IKZF3: variants seen among roughly 807,000 people sequenced by gnomAD.
IKZF3 encodes zinc finger protein Aiolos.
IKZF3 carries 10 observed loss-of-function variants against 49.0 expected under a neutral mutation model. The observed-to-expected ratio is 0.20, with a 90% CI of 0.13 to 0.35. The LOEUF (loss-of-function observed/expected upper bound fraction) is 0.35. Ranked by LOEUF, IKZF3 falls within the 10% of genes least tolerant of loss-of-function variation. The pLI, the probability that IKZF3 is intolerant of heterozygous loss-of-function variation, is 1.00. For synonymous variants in IKZF3, 209 were observed against 228.2 expected, an observed-to-expected ratio of 0.92 and a Z score of 0.76; for missense variants, 498 against 664.8, an observed-to-expected ratio of 0.75 and a Z score of 2.76.
intron 1 of IKZF3, chr17:39,834,930 A>G: frequency 2.8e-6 from 1 of 358,726 alleles, no homozygotes; most frequent in South Asian, 2.3e-5. Flanking sequence ...AAGCCATGGG[A>G]GGGGGTAGGC....
chr17:39,838,559 AT>A (rs1223986456), intron 1 of IKZF3, among the ~76,000 whole-genome samples: 4 of 152,156 alleles, frequency 2.6e-5, no homozygotes, highest in Non-Finnish European at 5.9e-5. Context: ...GCTTTCAAAT[AT>A]TTTTTCTGTT....
chr17:39,793,222 C>A (rs2061074163), intron 3 of IKZF3, among the ~76,000 whole-genome samples: 1 of 152,106 alleles, frequency 6.6e-6, no homozygotes, highest in South Asian at 2.1e-4. Context: ...TCAAAGTGGC[C>A]ATGAAACAAA....
Position 39,766,447 on chromosome 17 carries a change from C to T in IKZF3, c.873G>A (p.Met291Ile). Residue 291 changes from methionine to isoleucine, a missense_variant, in exon 8 of 8, where the codon ATG (methionine) becomes ATA (isoleucine). By Grantham distance (10) the Met-to-Ile change is conservative. This residue lies in a region of IKZF3 where 317 missense variants were observed against 397.3 expected (regional missense o/e 0.80). Coordinates refer to ENST00000346872, the MANE Select transcript of IKZF3 (RefSeq NM_012481.5). ...CFDVNYNSSY[M>I]YEKESELIQT... ...GTATGAGCTCACTCTCTTTCTCATACATGTAACTTGAATTATAGTTGACAT... is the reference window on the plus strand; with the variant it reads ...GTATGAGCTCACTCTCTTTCTCATATATGTAACTTGAATTATAGTTGACAT... The T allele has an allele frequency of 1.2e-6, 2 of 1,613,882 alleles. No individual in the cohort carries two copies. The highest frequency in any genetic ancestry group is 1.7e-6 in the Non-Finnish European group (2 of 1,179,986).
rs921710488 is a variant in IKZF3 at position 39,766,222 on chromosome 17, A to G, written c.1098T>C (p.Leu366=). 6.2e-7 allele frequency: 1 copy of G among 1,614,012 alleles called. No homozygotes were observed. The highest frequency in any genetic ancestry group is 8.5e-7 in the Non-Finnish European group (1 of 1,180,000). ...TCTCAGAAGGCACGCTCTTCTCTGG[A>G]AGGTGGATGCTTTTCTTTTCCAGCT... ...PQELEKKSIH[L]PEKSVPSERG... is the part of the protein sequence containing the mutation. The change falls in exon 8 of 8, where the codon CTT becomes CTC. Residue 366 remains leucine (L), a synonymous_variant. Transcript: ENST00000346872.
intron 3 of IKZF3, among the ~76,000 whole-genome samples, chr17:39,795,471 C>T (rs1438932003): frequency 4.6e-5 from 7 of 152,058 alleles, no homozygotes; most frequent in African/African-American, 1.4e-4. Flanking sequence ...TGTAGTGGCA[C>T]GATCAGCTCA....
intron 1 of IKZF3, among the ~76,000 whole-genome samples, chr17:39,836,987 AG>A (rs2062305121): frequency 1.3e-5 from 2 of 152,014 alleles, no homozygotes; most frequent in Admixed American, 6.6e-5. Context: ...GCTGGAGTGC[AG>A]TGGCACAATC....
At chr17:39,857,233 A>C (rs2063086765) in intron 1 of IKZF3, among the ~76,000 whole-genome samples, 1 of 152,236 alleles carries the variant, frequency 6.6e-6, no homozygotes, top group African/African-American at 2.4e-5. Context: ...GTTATGATGT[A>C]ATTCCATATC....
At chr17:39,850,855 GCTCTATAGTATATATACATATATAATATA>G (rs1568065203) in intron 1 of IKZF3, among the ~76,000 whole-genome samples, 19 of 80,642 alleles carry the variant, frequency 2.4e-4, no homozygotes, top group South Asian at 7.3e-4. Context: ...TATATAATAT[GCTCTATAGTATATATACATATATAATATA>G]CTCTATAGTA....
chr17:39,856,079 A>G (rs1438323907), intron 1 of IKZF3, among the ~76,000 whole-genome samples: 2 of 147,794 alleles, frequency 1.4e-5, no homozygotes, highest in South Asian at 4.2e-4. Flanking sequence ...TATATTGTAT[A>G]TGTACAATAT....
intron 3 of IKZF3, among the ~76,000 whole-genome samples, chr17:39,798,642 A>T (rs1379628522): frequency 6.6e-6 from 1 of 151,446 alleles, no homozygotes; most frequent in Non-Finnish European, 1.5e-5. Context: ...AGTAGCTGGG[A>T]CTACAGGCGC....
chr17:39,831,719 T>A (rs1325508477), intron 2 of IKZF3, among the ~76,000 whole-genome samples: 1 of 152,162 alleles, frequency 6.6e-6, no homozygotes, highest in Non-Finnish European at 1.5e-5. Context: ...AGTCTAAATA[T>A]TTACTATCTG....
chr17:39,780,517 C>A (rs1337896881), intron 6 of IKZF3, among the ~76,000 whole-genome samples: 2 of 152,034 alleles, frequency 1.3e-5, no homozygotes, highest in South Asian at 4.1e-4. Context: ...TCTAAAGCCA[C>A]CATGCCTGGC....
chr17:39,835,267 C>A, intron 1 of IKZF3: 1 of 552,128 alleles, frequency 1.8e-6, no homozygotes, highest in Non-Finnish European at 3.5e-6. Flanking sequence ...ATGTCCAGGG[C>A]CAGCTTGATG....
intron 7 of IKZF3, among the ~76,000 whole-genome samples, chr17:39,772,743 C>T (rs576841828): frequency 1.3e-5 from 2 of 152,254 alleles, no homozygotes; most frequent in African/African-American, 4.8e-5. Flanking sequence ...ATGGAGTCAC[C>T]AGGGAAGACT....
chr17:39,791,703 G>A, intron 4 of IKZF3, 120 bp from the exon 5 acceptor site: 1 of 1,006,058 alleles, frequency 9.9e-7, no homozygotes, highest in Non-Finnish European at 1.5e-6. Context: ...ATTGGGATCA[G>A]TTGGGAGCTG....
chr17:39,808,894 G>A (rs1048899882), intron 3 of IKZF3, among the ~76,000 whole-genome samples: 23 of 152,144 alleles, frequency 1.5e-4, no homozygotes, highest in African/African-American at 4.8e-4. Context: ...TTCAAATGTC[G>A]GTGGATGGGA....
intron 6 of IKZF3, among the ~76,000 whole-genome samples, chr17:39,783,815 G>C (rs1391837329): frequency 6.6e-6 from 1 of 152,160 alleles, no homozygotes; most frequent in Non-Finnish European, 1.5e-5. Flanking sequence ...TGTAATCCCA[G>C]CTACTCAGTA....
chr17:39,835,665 G>A lies in IKZF3; in HGVS notation c.8-3514C>T, dbSNP rs561714594. The stretch of plus-strand genomic sequence containing the variant: ...GTCCAGGGAGCAGCTGTTATGCGTG[G>A]ACAGCCCCACAGATGTGTCCAAGAT... On this transcript the variant is annotated intron_variant, in intron 1 of 7. Coordinates refer to ENST00000346872, the MANE Select transcript of IKZF3 (RefSeq NM_012481.5). 8 of 439,404 alleles carry A rather than the reference G, an allele frequency of 1.8e-5. No individual in the cohort carries two copies. The East Asian group carries it at 4.3e-4, about 24-fold the overall frequency. The allele number at this position is 439,404 out of a possible 1,614,324, so 27.2% of individuals were successfully genotyped here. A position where few individuals can be genotyped will look rare whatever the true frequency, so the allele number is the denominator to read the frequency against.
At chr17:39,857,553 C>A (rs1238566309) in intron 1 of IKZF3, among the ~76,000 whole-genome samples, 2 of 152,106 alleles carry the variant, frequency 1.3e-5, no homozygotes, top group African/African-American at 4.8e-5. Context: ...TTGTGGGGGG[C>A]ATGGATTAGA....
Sources: allele counts gnomAD v4.1 joint callset (sites outside exome capture counted in the v4.1 genomes callset), GRCh38; gene constraint gnomAD v4.1.1; regional missense constraint gnomAD v4.1.1; transcripts MANE v1.5; gene names NCBI Gene and HGNC (gene_info 2026-07-23, HGNC 2026-07-21).